PKP4: variants seen among roughly 807,000 people sequenced by gnomAD.
PKP4 encodes the protein plakophilin 4.
Under a neutral mutation model 145.1 loss-of-function variants are expected in PKP4, and 90 were observed. That is an observed-to-expected ratio of 0.62 (90% CI 0.52 to 0.74). The LOEUF (loss-of-function observed/expected upper bound fraction) is 0.74, where lower values mean the gene tolerates loss of function less well. PKP4 is among the 30% of genes least tolerant of loss of function. PKP4 has a pLI of 0.00. For synonymous variants in PKP4, 563 were observed against 577.2 expected (o/e 0.98, Z 0.35); for missense variants, 1,340 against 1,482.7 (o/e 0.90, Z 1.58).
chr2:158,639,343 C>CAT (rs1558933663), intron 9 of PKP4, among the ~76,000 whole-genome samples: 2 of 97,140 alleles, frequency 2.1e-5, no homozygotes, highest in African/African-American at 6.2e-5. Flanking sequence ...TGTGTGTGTG[C>CAT]GTGCGTGTGT....
intron 3 of PKP4, among the ~76,000 whole-genome samples, chr2:158,602,026 G>T (rs1030451394): frequency 1.3e-5 from 2 of 151,970 alleles, no homozygotes; most frequent in Non-Finnish European, 1.5e-5. Context: ...CCTTTTTCTG[G>T]TTTTTTAAAA....
intron 1 of PKP4, among the ~76,000 whole-genome samples, chr2:158,520,808 A>G (rs184274243): frequency 1.2e-3 from 186 of 152,244 alleles, no homozygotes; most frequent in African/African-American, 4.2e-3. Context: ...TATTTTGCCT[A>G]TTGTTGAAGT....
intron 1 of PKP4, among the ~76,000 whole-genome samples, chr2:158,503,965 C>CTTTTTTTTT (rs59715903): frequency 3.5e-5 from 3 of 86,904 alleles, no homozygotes; most frequent in South Asian, 5.5e-4. Context: ...TAAATTCTGG[C>CTTTTTTTTT]TTTTTTTTTT....
At chr2:158,590,500 A>G (rs578253019) in intron 3 of PKP4, among the ~76,000 whole-genome samples, 4 of 152,106 alleles carry the variant, frequency 2.6e-5, no homozygotes, top group South Asian at 4.1e-4. Flanking sequence ...TACATTATCA[A>G]TAATGGGGCT....
intron 2 of PKP4, among the ~76,000 whole-genome samples, chr2:158,545,579 T>C (rs1379815796): frequency 6.6e-6 from 1 of 152,174 alleles, no homozygotes; most frequent in African/African-American, 2.4e-5. Context: ...TTATACTTAT[T>C]TAAACCTGTT....
At chr2:158,587,610 A>G (rs181301196) in intron 3 of PKP4, among the ~76,000 whole-genome samples, 34 of 152,114 alleles carry the variant, frequency 2.2e-4, no homozygotes, top group Middle Eastern at 3.4e-3. Context: ...TCTTATTACT[A>G]TTATTATTTT....
chr2:158,608,808 C>CTTTTTTTTTTTTTTTTTTT (rs66933766), intron 4 of PKP4, among the ~76,000 whole-genome samples: 49 of 86,190 alleles, frequency 5.7e-4, no homozygotes, highest in Non-Finnish European at 7.6e-4. Context: ...TCTTTTCTTT[C>CTTTTTTTTTTTTTTTTTTT]TTTTTTTTTT....
At chr2:158,668,732 C>T (rs957866395) in intron 16 of PKP4, among the ~76,000 whole-genome samples, 1 of 152,180 alleles carries the variant, frequency 6.6e-6, no homozygotes, top group African/African-American at 2.4e-5. Flanking sequence ...CAGTGTTTGT[C>T]GTGAGCAAGC....
chr2:158,486,293 A>G (rs1375297587), intron 1 of PKP4, among the ~76,000 whole-genome samples: 2 of 152,206 alleles, frequency 1.3e-5, no homozygotes, highest in African/African-American at 4.8e-5. Context: ...TGCAAAGTAG[A>G]ATTGTTTTCC....
intron 4 of PKP4, among the ~76,000 whole-genome samples, chr2:158,607,888 C>T (rs190972895): frequency 2.6e-4 from 40 of 152,218 alleles, no homozygotes; most frequent in South Asian, 1.7e-3. Context: ...ACCCCTTCCC[C>T]GTTGCTTAAG....
At chr2:158,569,471 A>G (rs991786557) in intron 2 of PKP4, among the ~76,000 whole-genome samples, 5 of 152,240 alleles carry the variant, frequency 3.3e-5, no homozygotes, top group Admixed American at 6.5e-5. Context: ...CATGTCTTCA[A>G]AGTGATGCAA....
intron 11 of PKP4, among the ~76,000 whole-genome samples, chr2:158,655,769 G>A (rs1319114550): frequency 6.6e-6 from 1 of 152,230 alleles, no homozygotes; most frequent in East Asian, 1.9e-4. Context: ...AGCTTAGGGA[G>A]TCACCCTTTT....
At chr2:158,607,000 A>T (rs1486028504) in intron 4 of PKP4, among the ~76,000 whole-genome samples, 2 of 152,208 alleles carry the variant, frequency 1.3e-5, no homozygotes, top group African/African-American at 4.8e-5. Flanking sequence ...ACTATTTTAA[A>T]TAACAGTGTG....
intron 2 of PKP4, among the ~76,000 whole-genome samples, chr2:158,547,586 G>T (rs1226149765): frequency 6.6e-6 from 1 of 152,216 alleles, no homozygotes; most frequent in African/African-American, 2.4e-5. Flanking sequence ...TCTAATTGGA[G>T]CTGTGGCTCG....
chr2:158,678,862 G>A, intron 21 of PKP4: 1 of 590,304 alleles, frequency 1.7e-6, no homozygotes, highest in South Asian at 2.1e-5. Context: ...CATCGGTACT[G>A]CTGAGACCAC....
intron 15 of PKP4, among the ~76,000 whole-genome samples, chr2:158,665,001 G>A (rs1240349389): frequency 6.6e-6 from 1 of 152,180 alleles, no homozygotes; most frequent in Non-Finnish European, 1.5e-5. Flanking sequence ...TTCATGTCTG[G>A]GATCATTTAG....
rs552635585 is a variant in PKP4 at position 158,592,510 on chromosome 2, T to A, written c.246-10560T>A. On this transcript the variant is annotated intron_variant, in intron 3 of 21. Coordinates refer to ENST00000389759, the MANE Select transcript of PKP4 (RefSeq NM_003628.6). ...GAAAATGCTGTTACAGAGAGAAACC[T>A]TTCTTTTTCAAAAAGCAAGGCAGAA... is the stretch of plus-strand genomic sequence containing the variant. Among the ~76,000 whole-genome samples, 32 of 152,220 alleles carry A rather than the reference T, an allele frequency of 2.1e-4. No individual in the cohort carries two copies. In the South Asian group the frequency reaches 6.4e-3, roughly 31 times the overall value.
At chr2:158,625,529 T>G in intron 7 of PKP4, 102 bp downstream of exon 7, 1 of 960,108 alleles carries the variant, frequency 1.0e-6, no homozygotes, top group East Asian at 2.6e-5. Flanking sequence ...CTCATTCGTG[T>G]TTTTAATCTC....
intron 3 of PKP4, among the ~76,000 whole-genome samples, chr2:158,598,040 G>T (rs532621747): frequency 2.0e-5 from 3 of 152,136 alleles, no homozygotes; most frequent in African/African-American, 7.2e-5. Flanking sequence ...TGCCCCGGCT[G>T]GTCTCAAACA....
Sources: allele counts gnomAD v4.1 joint callset (sites outside exome capture counted in the v4.1 genomes callset), GRCh38; gene constraint gnomAD v4.1.1; transcripts MANE v1.5; gene names NCBI Gene and HGNC (gene_info 2026-07-23, HGNC 2026-07-21).